The following AFAP1L2 variants were observed in gnomAD, a reference collection of about 807,000 sequenced individuals.
The protein encoded by AFAP1L2 is actin filament associated protein 1 like 2.
In AFAP1L2, 46 loss-of-function variants were observed where a neutral mutation model predicts 99.3. That is an observed-to-expected ratio of 0.46 (90% CI 0.37 to 0.59). The LOEUF (loss-of-function observed/expected upper bound fraction) is 0.59. Among genes scored for constraint, AFAP1L2 ranks in the 20% least tolerant of loss-of-function variants. The pLI, the probability that AFAP1L2 is intolerant of heterozygous loss-of-function variation, is 0.00. For missense variants in AFAP1L2, 959 were observed against 1,034.9 expected (o/e 0.93, Z 1.01); for synonymous variants, 397 against 419.1 (o/e 0.95, Z 0.64).
downstream of AFAP1L2, chr10:114,291,223 T>C: frequency 6.4e-7 from 1 of 1,550,548 alleles, no homozygotes. Context: ...CCCAGGATTC[T>C]TGAGACGCCC....
At chr10:114,334,224 A>G (rs1260066148) in intron 2 of AFAP1L2, among the ~76,000 whole-genome samples, 2 of 152,056 alleles carry the variant, frequency 1.3e-5, no homozygotes, top group Admixed American at 1.3e-4. Context: ...CACCTTTCCC[A>G]TGCCTGCCTG....
chr10:114,283,209 G>A, the AFAP1L2 span, among the ~76,000 whole-genome samples: 3 of 152,132 alleles, frequency 2.0e-5, no homozygotes, highest in African/African-American at 7.2e-5. Context: ...TGTTACTCCC[G>A]ATGAGTAGCC....
chr10:114,333,853 A>T (rs2047558290), intron 2 of AFAP1L2, among the ~76,000 whole-genome samples: 1 of 152,210 alleles, frequency 6.6e-6, no homozygotes, highest in Non-Finnish European at 1.5e-5. Context: ...TAAGTTCAAG[A>T]TCTGCCTTGT....
At chr10:114,289,325 A>G in the AFAP1L2 span, 4 of 1,614,242 alleles carry the variant, frequency 2.5e-6, no homozygotes, top group Middle Eastern at 1.6e-4. Flanking sequence ...GTTCCTGCCC[A>G]GAAGCTGAGG....
At chr10:114,282,816 G>A in the AFAP1L2 span, among the ~76,000 whole-genome samples, 3 of 152,194 alleles carry the variant, frequency 2.0e-5, no homozygotes, top group East Asian at 3.8e-4. Flanking sequence ...ATTGGTGAGA[G>A]GCAGAGAGGC....
chr10:114,378,166 T>C (rs1402597481), intron 1 of AFAP1L2, among the ~76,000 whole-genome samples: 6 of 152,230 alleles, frequency 3.9e-5, no homozygotes, highest in Non-Finnish European at 8.8e-5. Context: ...ATCCACGGAA[T>C]TCTCAAGACA....
At chr10:114,401,852 A>G (rs2058262400) in intron 1 of AFAP1L2, among the ~76,000 whole-genome samples, 1 of 152,180 alleles carries the variant, frequency 6.6e-6, no homozygotes, top group African/African-American at 2.4e-5. Context: ...CAATATATAT[A>G]ACAAGCAGGC....
chr10:114,295,292 G>C lies in AFAP1L2; in HGVS notation c.*750C>G. 2.0e-6 allele frequency: 2 copies of C among 984,686 alleles called. No individual in the cohort carries two copies. The highest frequency in any genetic ancestry group is 2.4e-6 in the Non-Finnish European group (2 of 828,892). The allele number at this position is 984,686 out of a possible 1,614,324, so 61.0% of individuals were successfully genotyped here. ...TTAATCTCAAAAGATACTTTTCACTGTTCTAAATGACAGGATTTTAAGCAT... is the reference window on the plus strand; with the variant it reads ...TTAATCTCAAAAGATACTTTTCACTCTTCTAAATGACAGGATTTTAAGCAT... On this transcript the variant is annotated 3_prime_UTR_variant, in exon 19 of 19. Transcript: ENST00000304129.
chr10:114,307,789 T>C lies in AFAP1L2; in HGVS notation c.1072+16A>G. On this transcript the variant is annotated intron_variant, in intron 10 of 18. Coordinates refer to ENST00000304129, the MANE Select transcript of AFAP1L2 (RefSeq NM_001001936.3). Reference sequence around the variant, plus strand: ...GGAAATGAGCCTGTGGTCCCGGAGGTAGCTACAATTCTTACTGGATGTCTC... The same window carrying C: ...GGAAATGAGCCTGTGGTCCCGGAGGCAGCTACAATTCTTACTGGATGTCTC... 1 of 1,606,414 alleles carries C rather than the reference T, an allele frequency of 6.2e-7. No individual in the cohort carries two copies. The highest frequency in any genetic ancestry group is 8.5e-7 in the Non-Finnish European group (1 of 1,173,420).
rs909137196 is a variant in AFAP1L2 at position 114,295,517 on chromosome 10, G to A, written c.*525C>T. On this transcript the variant is annotated 3_prime_UTR_variant, in exon 19 of 19. Coordinates refer to ENST00000304129, the MANE Select transcript of AFAP1L2 (RefSeq NM_001001936.3). ...TGATGGTTTTACAGATGATGTCAAT[G>A]CTGTTTAAAATCACTGAAGACTGAG... 1.1e-5 allele frequency: 11 copies of A among 985,274 alleles called. No homozygotes were observed. The highest frequency in any genetic ancestry group is 4.7e-5 in the South Asian group (1 of 21,294). 61.0% of individuals were successfully genotyped at this position (985,274 alleles called of 1,614,324 possible).
At chr10:114,340,938 T>C (rs2048736162) in intron 1 of AFAP1L2, 2 of 651,034 alleles carry the variant, frequency 3.1e-6, no homozygotes, top group East Asian at 5.7e-5. Flanking sequence ...AAACAGGCCC[T>C]TGGCTTGGAG....
At chr10:114,338,890 C>T (rs1402975819) in intron 2 of AFAP1L2, among the ~76,000 whole-genome samples, 1 of 152,182 alleles carries the variant, frequency 6.6e-6, no homozygotes, top group Non-Finnish European at 1.5e-5. Flanking sequence ...TAAATGATCT[C>T]AATTTTAAAA....
chr10:114,283,227 C>A, the AFAP1L2 span, among the ~76,000 whole-genome samples: 32 of 152,110 alleles, frequency 2.1e-4, 1 homozygote, highest in South Asian at 6.6e-3. Context: ...GCCTGTCTCC[C>A]GGAAGCAATG....
intron 1 of AFAP1L2, among the ~76,000 whole-genome samples, chr10:114,369,073 A>G (rs2053713945): frequency 6.6e-6 from 1 of 152,134 alleles, no homozygotes; most frequent in Non-Finnish European, 1.5e-5. Context: ...CATAAAATCC[A>G]ATTATGAGAT....
At chr10:114,342,228 C>A (rs73367113) in intron 1 of AFAP1L2, among the ~76,000 whole-genome samples, 1 of 152,158 alleles carries the variant, frequency 6.6e-6, no homozygotes, top group African/African-American at 2.4e-5. Context: ...ACTGCCTGAC[C>A]ATCACCTGGT....
rs1175973580 is a variant in AFAP1L2 at position 114,372,333 on chromosome 10, C to T, written c.17-31602G>A. The stretch of plus-strand genomic sequence containing the variant: ...TTCCCTCTGTAAACACCAAGCCCAG[C>T]CTTGGGCTGACTTGCCATTGTGTGT... On this transcript the variant is annotated intron_variant, in intron 1 of 18. Coordinates refer to ENST00000304129, the MANE Select transcript of AFAP1L2 (RefSeq NM_001001936.3). 3.3e-5 allele frequency among the ~76,000 whole-genome samples: 5 copies of T among 152,314 alleles called. No homozygotes were observed. The East Asian group carries it at 7.7e-4, about 24-fold the overall frequency.
intron 1 of AFAP1L2, among the ~76,000 whole-genome samples, chr10:114,345,129 G>A (rs1280436142): frequency 6.6e-6 from 1 of 151,126 alleles, no homozygotes; most frequent in African/African-American, 2.4e-5. Context: ...AAGAAAAAGG[G>A]ATGAGATGCT....
intron 1 of AFAP1L2, among the ~76,000 whole-genome samples, chr10:114,376,197 A>T (rs1016388820): frequency 2.6e-5 from 4 of 152,204 alleles, no homozygotes; most frequent in African/African-American, 9.6e-5. Context: ...CTTCCAGGGG[A>T]AGAAATATGT....
intron 1 of AFAP1L2, among the ~76,000 whole-genome samples, chr10:114,375,585 A>G (rs721041): frequency 0.55 from 84,132 of 152,052 alleles, 24,448 homozygotes; most frequent in East Asian, 0.68. Flanking sequence ...AGCATTTCCT[A>G]TCATTAAATC....
Sources: gnomAD v4.1 joint callset for allele counts (sites outside exome capture counted in the v4.1 genomes callset) on GRCh38, gnomAD v4.1.1 for gene constraint, MANE v1.5 for transcripts, NCBI Gene and HGNC (gene_info 2026-07-23, HGNC 2026-07-21) for gene names.